Variants in MAD1L1 observed in about 807,000 individuals in gnomAD.
MAD1L1 encodes mitotic spindle assembly checkpoint protein MAD1.
In MAD1L1, 95 loss-of-function variants were observed where a neutral mutation model predicts 96.9. The ratio of observed to expected loss-of-function variants is 0.98; its 90% confidence interval spans 0.83 to 1.16. The LOEUF (loss-of-function observed/expected upper bound fraction) is 1.16, where lower values mean the gene tolerates loss of function less well. Ranked by LOEUF, MAD1L1 falls within the 50% of genes most tolerant of loss-of-function variation. The pLI, the probability that MAD1L1 is intolerant of heterozygous loss-of-function variation, is 0.00. For synonymous variants in MAD1L1, 473 were observed against 396.6 expected (o/e 1.19, Z -2.29); for missense variants, 1,007 against 954.4 (o/e 1.06, Z -0.73).
At chr7:2,155,524 A>C (rs993556422) in intron 10 of MAD1L1, among the ~76,000 whole-genome samples, 1 of 152,124 alleles carries the variant, frequency 6.6e-6, no homozygotes, top group Admixed American at 6.5e-5. Flanking sequence ...CGTCTCTAAG[A>C]ATGCGACCAC....
chr7:2,066,140 C>T (rs1387550516), intron 12 of MAD1L1, among the ~76,000 whole-genome samples: 3 of 152,186 alleles, frequency 2.0e-5, no homozygotes, highest in Non-Finnish European at 1.5e-5. Flanking sequence ...CTCCAAGCAC[C>T]GTGTACTAAA....
At chr7:2,192,255 C>CA (rs1791762450) in intron 10 of MAD1L1, among the ~76,000 whole-genome samples, 1 of 151,942 alleles carries the variant, frequency 6.6e-6, no homozygotes. Context: ...CTCAGCCTCC[C>CA]AAGTCATTGG....
chr7:1,927,543 G>T (rs1216153228), intron 17 of MAD1L1, among the ~76,000 whole-genome samples: 1 of 152,158 alleles, frequency 6.6e-6, no homozygotes, highest in Non-Finnish European at 1.5e-5. Context: ...CATAACGCAT[G>T]GCCAACTGGT....
In MAD1L1 at chr7:2,222,689, C is replaced by A. The variant is rs1252087149; in HGVS notation, c.357G>T (p.Gly119=). ...GCTGCTCCTGCATCTTCTCCTCCGC[C>A]CCGGCCTCCCGCTCCTGAAGCTGCC... ...RIRQLQEREA[G]AEEKMQEQLE... is the part of the protein sequence containing the mutation. Residue 119 remains glycine, a synonymous_variant, in exon 5 of 19, where the codon GGG becomes GGT. Transcript: ENST00000265854. 6.2e-7 allele frequency: 1 copy of A among 1,612,076 alleles called. No homozygotes were observed. Among genetic ancestry groups the A allele is most frequent in the East Asian group, 2.2e-5 (1 of 44,868 alleles).
At chr7:2,018,068 C>T (rs1259139714) in intron 12 of MAD1L1, among the ~76,000 whole-genome samples, 2 of 152,032 alleles carry the variant, frequency 1.3e-5, no homozygotes, top group African/African-American at 2.4e-5. Context: ...GAGATATGGA[C>T]GGAGGCACCG....
At chr7:2,038,578 T>A (rs1584151967) in intron 12 of MAD1L1, among the ~76,000 whole-genome samples, 1 of 136,026 alleles carries the variant, frequency 7.4e-6, no homozygotes, top group East Asian at 2.6e-4. Flanking sequence ...GGTGGCACAA[T>A]CTTGGCTCAC....
chr7:2,083,896 C>T (rs746516586), intron 11 of MAD1L1, among the ~76,000 whole-genome samples: 7 of 152,216 alleles, frequency 4.6e-5, no homozygotes, highest in Non-Finnish European at 8.8e-5. Context: ...AGGATGCTCC[C>T]AGTGATTCCA....
rs559154452 is a variant in MAD1L1, at chr7:2,103,589, C to A, written c.1074-34251G>T. Among the ~76,000 whole-genome samples the A allele has an allele frequency of 1.3e-5, 2 of 152,250 alleles. No individual in the cohort carries two copies. Among genetic ancestry groups the A allele is most frequent in the African/African-American group, 4.8e-5 (2 of 41,554 alleles). ...GGGGCAAAGCCCACCACCAGGCAGC[C>A]CTGGGAGCCCCTGCGAAGGCCTCTC... is the stretch of plus-strand genomic sequence containing the variant. On this transcript the variant is annotated intron_variant, in intron 11 of 18. Transcript: ENST00000265854. The surrounding 1 kb of genome is among the most constrained non-coding windows in gnomAD (Gnocchi z 4.3).
chr7:2,016,692 T>G (rs1227770569), intron 12 of MAD1L1, among the ~76,000 whole-genome samples: 6 of 152,022 alleles, frequency 3.9e-5, no homozygotes, highest in African/African-American at 1.4e-4. Context: ...CTGCCGTCTG[T>G]CTCTTGAGCC....
At position 1,898,183 on chromosome 7, in the gene MAD1L1, T is replaced by A. The variant is rs961095368; in HGVS notation, c.1998+17A>T. On this transcript the variant is annotated intron_variant, in intron 18 of 18. Transcript: ENST00000265854. Reference sequence around the variant, plus strand: ...AGAGAGCGAGACAGCCGGAGAGCCGTCACACGCAGGACCCACCTTGAAGAT... The same window carrying A: ...AGAGAGCGAGACAGCCGGAGAGCCGACACACGCAGGACCCACCTTGAAGAT... The A allele has an allele frequency of 4.4e-6, 7 of 1,591,012 alleles. No individual in the cohort carries two copies. The Admixed American group carries it at 1.1e-4, about 24-fold the overall frequency.
chr7:1,948,639 C>T (rs2128470187), intron 16 of MAD1L1, among the ~76,000 whole-genome samples: 1 of 152,312 alleles, frequency 6.6e-6, no homozygotes, highest in South Asian at 2.1e-4. Flanking sequence ...GGGGCTCCTC[C>T]CATGACACCC....
chr7:1,898,678 C>T (rs142026743), intron 17 of MAD1L1, among the ~76,000 whole-genome samples: 1,957 of 152,324 alleles, frequency 0.013, 36 homozygotes, highest in African/African-American at 0.044. Flanking sequence ...GGCCCCTCCA[C>T]AGGGATCAGC....
At chr7:2,045,629 T>C (rs1196247571) in intron 12 of MAD1L1, among the ~76,000 whole-genome samples, 1 of 151,796 alleles carries the variant, frequency 6.6e-6, no homozygotes. Flanking sequence ...TAAAGCTTAG[T>C]ACAGCACCTG....
rs1041675651 is a variant in MAD1L1, at chr7:2,062,292, C to G, written c.1218+6902G>C. On this transcript the variant is annotated intron_variant, in intron 12 of 18. Transcript: ENST00000265854. ...AAAAAAAAAACAGGGAATTGAAGGC[C>G]GGACACAGTGGCTCACGCCTGTAAT... is the stretch of plus-strand genomic sequence containing the variant. Among the ~76,000 whole-genome samples the G allele has an allele frequency of 3.4e-5, 5 of 148,446 alleles. 1 individual carries two copies. Among genetic ancestry groups the G allele is most frequent in the African/African-American group, 1.2e-4 (5 of 40,320 alleles).
At chr7:1,865,410 G>A (rs577824466) in intron 18 of MAD1L1, among the ~76,000 whole-genome samples, 20 of 152,216 alleles carry the variant, frequency 1.3e-4, no homozygotes, top group Non-Finnish European at 4.4e-5. Flanking sequence ...GCTGCTGCCC[G>A]GCTGTAGCCC....
intron 10 of MAD1L1, among the ~76,000 whole-genome samples, chr7:2,211,685 A>T (rs926537183): frequency 6.6e-6 from 1 of 152,236 alleles, no homozygotes; most frequent in Non-Finnish European, 1.5e-5. Context: ...TGTGTTCTAC[A>T]GGGGGAGTTC....
chr7:2,017,286 G>A (rs1253873569), intron 12 of MAD1L1, among the ~76,000 whole-genome samples: 1 of 152,210 alleles, frequency 6.6e-6, no homozygotes, highest in Non-Finnish European at 1.5e-5. Context: ...TGCTGACGGG[G>A]GCGTCCCAGA....
At chr7:1,926,712 A>G (rs1789111052) in intron 17 of MAD1L1, among the ~76,000 whole-genome samples, 1 of 152,224 alleles carries the variant, frequency 6.6e-6, no homozygotes. Flanking sequence ...CAGCAAACTA[A>G]GAATGGAAAG....
intron 11 of MAD1L1, among the ~76,000 whole-genome samples, chr7:2,094,611 C>A (rs1260289920): frequency 6.6e-6 from 1 of 151,180 alleles, no homozygotes; most frequent in Non-Finnish European, 1.5e-5. Context: ...AGACAGGGTG[C>A]TCCAGAAAGA....
Sources: allele counts gnomAD v4.1 joint callset (sites outside exome capture counted in the v4.1 genomes callset), GRCh38; gene constraint gnomAD v4.1.1; non-coding constraint Gnocchi (gnomAD v3.1); transcripts MANE v1.5; gene names NCBI Gene and HGNC (gene_info 2026-07-23, HGNC 2026-07-21).